TCERG1L: variants seen among roughly 807,000 people sequenced by gnomAD.
TCERG1L encodes transcription elongation regulator 1 like, also known as transcription elongation regulator 1-like protein.
Under a neutral mutation model 56.3 loss-of-function variants are expected in TCERG1L, and 37 were observed. That is an observed-to-expected ratio of 0.66 (90% CI 0.51 to 0.87). The LOEUF (loss-of-function observed/expected upper bound fraction) is 0.87. TCERG1L is among the 40% of genes least tolerant of loss of function. The pLI is 0.00. For missense variants in TCERG1L, 799 were observed against 774.2 expected (o/e 1.03, Z -0.38); for synonymous variants, 324 against 326.3 (o/e 0.99, Z 0.08).
In TCERG1L at chr10:131,291,580, A is replaced by C. The variant is rs1481874900; in HGVS notation, c.670+16631T>G. Among the ~76,000 whole-genome samples, 8 of 151,028 alleles carry C rather than the reference A, an allele frequency of 5.3e-5. No homozygotes were observed. The East Asian group carries it at 5.8e-4, about 11-fold the overall frequency. On this transcript the variant is annotated intron_variant, in intron 3 of 11. Coordinates refer to ENST00000368642, the MANE Select transcript of TCERG1L (RefSeq NM_174937.4). ...TAGCTGGGACTACAGGCGCCCGCCA[A>C]CACACCCGGCTAATTTTTTGTATTT... is the stretch of plus-strand genomic sequence containing the variant.
At chr10:131,274,845 C>T (rs1195322067) in intron 3 of TCERG1L, among the ~76,000 whole-genome samples, 4 of 152,182 alleles carry the variant, frequency 2.6e-5, no homozygotes, top group Non-Finnish European at 5.9e-5. Context: ...GGAAATGGCC[C>T]CATCCAGTCT....
intron 3 of TCERG1L, among the ~76,000 whole-genome samples, chr10:131,297,571 T>TA (rs1289343312): frequency 2.6e-5 from 4 of 152,170 alleles, no homozygotes; most frequent in Non-Finnish European, 5.9e-5. Flanking sequence ...TGTGTAAGGG[T>TA]AATGGCTACC....
intron 9 of TCERG1L, among the ~76,000 whole-genome samples, chr10:131,111,714 AT>A (rs1845415283): frequency 7.0e-6 from 1 of 142,940 alleles, no homozygotes; most frequent in Admixed American, 6.9e-5. Flanking sequence ...ACAGGCTGCG[AT>A]TAGTTATCTT....
At chr10:131,230,606 C>T (rs1334585255) in intron 4 of TCERG1L, among the ~76,000 whole-genome samples, 3 of 152,228 alleles carry the variant, frequency 2.0e-5, no homozygotes, top group African/African-American at 7.2e-5. Flanking sequence ...CTCAGCTAAG[C>T]CTCCGTGTGG....
At chr10:131,250,326 C>G (rs926163470) in intron 4 of TCERG1L, among the ~76,000 whole-genome samples, 7 of 138,558 alleles carry the variant, frequency 5.1e-5, no homozygotes, top group African/African-American at 2.0e-4. Context: ...ATCTGTCACT[C>G]ACATGCCGAG....
At chr10:131,130,242 CACTT>C (rs1270226717) in intron 8 of TCERG1L, among the ~76,000 whole-genome samples, 2 of 152,112 alleles carry the variant, frequency 1.3e-5, no homozygotes, top group Admixed American at 1.3e-4. Context: ...GATCTTGTGA[CACTT>C]AGTCACTATC....
intron 9 of TCERG1L, among the ~76,000 whole-genome samples, chr10:131,110,337 A>C (rs1845398329): frequency 6.6e-6 from 1 of 151,988 alleles, no homozygotes; most frequent in Admixed American, 6.6e-5. Flanking sequence ...ACACCCTCTA[A>C]AACTTCTCCT....
At chr10:131,095,427 G>A (rs535753729) in intron 11 of TCERG1L, 1 of 152,436 alleles carries the variant, frequency 6.6e-6, no homozygotes, top group Admixed American at 6.5e-5. Context: ...ACCAGGACGG[G>A]ACTGTATGGC....
intron 3 of TCERG1L, among the ~76,000 whole-genome samples, chr10:131,298,148 CT>C (rs34480535): frequency 2.0e-4 from 29 of 145,798 alleles, no homozygotes; most frequent in South Asian, 6.5e-4. Flanking sequence ...TGAGGTATTT[CT>C]TTTTTTTTTT....
At chr10:131,097,454 TC>T (rs1845261256) in intron 11 of TCERG1L, among the ~76,000 whole-genome samples, 1 of 152,068 alleles carries the variant, frequency 6.6e-6, no homozygotes. Flanking sequence ...TTTACGCCAT[TC>T]TCCTGCCTCA....
intron 6 of TCERG1L, among the ~76,000 whole-genome samples, chr10:131,149,525 T>C (rs537792223): frequency 1.3e-5 from 2 of 152,340 alleles, no homozygotes; most frequent in South Asian, 2.1e-4. Flanking sequence ...ATTCAGCTAC[T>C]ATATGAACTC....
chr10:131,240,352 C>A (rs891071042), intron 4 of TCERG1L, among the ~76,000 whole-genome samples: 1 of 151,490 alleles, frequency 6.6e-6, no homozygotes, highest in East Asian at 2.0e-4. Flanking sequence ...CCCGTTCATT[C>A]GTTCATGCAT....
intron 6 of TCERG1L, among the ~76,000 whole-genome samples, chr10:131,150,162 G>A (rs1323090399): frequency 1.1e-5 from 1 of 89,512 alleles, no homozygotes; most frequent in Non-Finnish European, 2.8e-5. Flanking sequence ...CACCTGGAGA[G>A]CACAGAACAA....
At chr10:131,303,334 T>C (rs1846786771) in intron 3 of TCERG1L, among the ~76,000 whole-genome samples, 1 of 152,136 alleles carries the variant, frequency 6.6e-6, no homozygotes, top group Admixed American at 6.5e-5. Flanking sequence ...TGGCATAAGA[T>C]GGTATCTCAG....
At chr10:131,145,590 T>A (rs1318987737) in intron 7 of TCERG1L, among the ~76,000 whole-genome samples, 3 of 152,258 alleles carry the variant, frequency 2.0e-5, no homozygotes, top group Non-Finnish European at 4.4e-5. Flanking sequence ...TATAATACTG[T>A]CTTCTGAAGC....
At chr10:131,181,632 G>A (rs557283204) in intron 4 of TCERG1L, among the ~76,000 whole-genome samples, 22 of 152,342 alleles carry the variant, frequency 1.4e-4, no homozygotes, top group Middle Eastern at 3.4e-3. Context: ...TGCTGCCAGC[G>A]TCTGCCTGTG....
rs1241381806 is a variant in TCERG1L, at chr10:131,257,046, AAAG to A, written c.856+3210_856+3212del. Among the ~76,000 whole-genome samples, 339 of 145,208 alleles carry A rather than the reference AAAG, an allele frequency of 2.3e-3. 2 individuals are homozygous for A. Among genetic ancestry groups the A allele is most frequent in the Non-Finnish European group, 3.9e-3 (256 of 65,616 alleles). On this transcript the variant is annotated intron_variant, in intron 4 of 11. Transcript: ENST00000368642. The stretch of plus-strand genomic sequence containing the variant: ...GAAAGAAAGAAAGAAAGAAAGAAAG[AAAG>A]AAAGAAAAGAAAGAAAGAAAAAAAA...
intron 6 of TCERG1L, among the ~76,000 whole-genome samples, chr10:131,149,192 G>C (rs1845836528): frequency 6.6e-6 from 1 of 152,256 alleles, no homozygotes; most frequent in African/African-American, 2.4e-5. Context: ...GACCAAGATA[G>C]AGTGTATCAC....
At chr10:131,218,304 T>C (rs1293945091) in intron 4 of TCERG1L, among the ~76,000 whole-genome samples, 2 of 152,168 alleles carry the variant, frequency 1.3e-5, no homozygotes, top group Admixed American at 6.5e-5. Context: ...ATGCTGTTTT[T>C]AAAACACAGA....
Sources: allele counts gnomAD v4.1 joint callset (sites outside exome capture counted in the v4.1 genomes callset), GRCh38; gene constraint gnomAD v4.1.1; transcripts MANE v1.5; gene names NCBI Gene and HGNC (gene_info 2026-07-23, HGNC 2026-07-21).